GDPD1: variants seen among roughly 807,000 people sequenced by gnomAD.
GDPD1 encodes the protein lysophospholipase D GDPD1.
A neutral mutation model predicts 45.1 loss-of-function variants in GDPD1; 28 were observed. The observed-to-expected ratio is 0.62, with a 90% CI of 0.46 to 0.85. The LOEUF (loss-of-function observed/expected upper bound fraction) is 0.85, where lower values mean the gene tolerates loss of function less well. Among genes scored for constraint, GDPD1 ranks in the 40% least tolerant of loss-of-function variants. GDPD1 has a pLI of 0.00. For synonymous variants in GDPD1, 139 were observed against 131.4 expected (o/e 1.06, Z -0.40); for missense variants, 256 against 364.8 (o/e 0.70, Z 2.43).
intron 4 of GDPD1, among the ~76,000 whole-genome samples, chr17:59,249,618 A>C (rs2047238186): frequency 6.6e-6 from 1 of 152,188 alleles, no homozygotes; most frequent in East Asian, 1.9e-4. Context: ...CTCACAAAGA[A>C]ACATGTCCCT....
At chr17:59,220,945 C>G (rs956142573) in intron 1 of GDPD1, among the ~76,000 whole-genome samples, 194 bp downstream of exon 1, 2 of 151,934 alleles carry the variant, frequency 1.3e-5, no homozygotes, top group Non-Finnish European at 2.9e-5. Flanking sequence ...GAGGGATTCC[C>G]GGTCAGAGCC....
rs2046997123 is a variant in GDPD1 at position 59,220,728 on chromosome 17, G to A, written c.119G>A (p.Ser40Asn). The stretch of plus-strand genomic sequence containing the variant: ...CAGAGAAAGAAGCAGCGATTCCTCA[G>A]TAAACACATCTCTCACCGCGGAGGT... ...LHQRKKQRFL[S>N]KHISHRGGAG... The change falls in exon 1 of 10, where the codon AGT becomes AAT. Residue 40 changes from serine (S) to asparagine (N), a missense_variant. Physicochemically the swap from Ser to Asn is conservative, Grantham distance 46. Transcript: ENST00000284116. The A allele has an allele frequency of 1.2e-6, 2 of 1,613,736 alleles. No individual in the cohort carries two copies. The highest frequency in any genetic ancestry group is 2.7e-5 in the African/African-American group (2 of 74,926).
In GDPD1 at chr17:59,220,757, A is replaced by G. The variant is rs1568335070; in HGVS notation, c.142+6A>G. On this transcript the variant is annotated splice_donor_region_variant and intron_variant, in intron 1 of 9. Transcript: ENST00000284116. ...ACACATCTCTCACCGCGGAGGTGAG[A>G]GGGGTCCCCAGAACCCGATGACGGA... 1 of 1,611,328 alleles carries G rather than the reference A, an allele frequency of 6.2e-7. No homozygotes were observed. Among genetic ancestry groups the G allele is most frequent in the Non-Finnish European group, 8.5e-7 (1 of 1,179,306 alleles).
Position 59,273,631 on chromosome 17 carries a change from C to T in GDPD1, c.823-20C>T, listed in dbSNP as rs780483906. The T allele has an allele frequency of 1.3e-5, 18 of 1,360,354 alleles. No individual in the cohort carries two copies. The highest frequency in any genetic ancestry group is 3.7e-4 in the Middle Eastern group (2 of 5,386). The allele number at this position is 1,360,354 out of a possible 1,614,324, so 84.3% of individuals were successfully genotyped here. On this transcript the variant is annotated intron_variant, in intron 9 of 9. Transcript: ENST00000284116. ...TATTTTAACATTTCTTCTCATACTT[C>T]TCACACTTCTAATTTTCAGGTGTAT...
intron 6 of GDPD1, among the ~76,000 whole-genome samples, chr17:59,259,491 C>T (rs1200492008): frequency 6.4e-5 from 9 of 141,144 alleles, no homozygotes; most frequent in East Asian, 4.3e-4. Context: ...GGCGTGAACC[C>T]GGGAGGCAGA....
rs145416581 is a variant in GDPD1, at chr17:59,229,301, C to T, written c.143-5191C>T. The stretch of plus-strand genomic sequence containing the variant: ...CCGAGTAGCTGGGATTACAGATGCC[C>T]GTCACCATGCCTGGCTAAATTTTTT... On this transcript the variant is annotated intron_variant, in intron 1 of 9. Transcript: ENST00000284116. Among the ~76,000 whole-genome samples the T allele has an allele frequency of 8.3e-3, 1,214 of 147,130 alleles. 8 individuals are homozygous for T. Among genetic ancestry groups the T allele is most frequent in the African/African-American group, 0.029 (1,147 of 39,054 alleles).
chr17:59,242,493 A>G (rs572684131), intron 2 of GDPD1, among the ~76,000 whole-genome samples: 24 of 152,196 alleles, frequency 1.6e-4, no homozygotes, highest in Admixed American at 6.5e-4. Flanking sequence ...TCCCATTCCT[A>G]CTCATCTCAC....
At chr17:59,269,475 ACCC>A (rs201819855) in intron 7 of GDPD1, among the ~76,000 whole-genome samples, 1 of 119,942 alleles carries the variant, frequency 8.3e-6, no homozygotes, top group African/African-American at 2.9e-5. Context: ...CTTCTTGTCT[ACCC>A]CCCCCCCCAA....
At chr17:59,254,051 T>C (rs2047276487) in intron 4 of GDPD1, among the ~76,000 whole-genome samples, 1 of 129,570 alleles carries the variant, frequency 7.7e-6, no homozygotes, top group Non-Finnish European at 1.6e-5. Flanking sequence ...CAAGACTTCA[T>C]CTCTACTTAA....
chr17:59,264,189 C>T (rs9916395), intron 6 of GDPD1, among the ~76,000 whole-genome samples: 1 of 151,268 alleles, frequency 6.6e-6, no homozygotes, highest in Non-Finnish European at 1.5e-5. Flanking sequence ...TAGTAGAGAC[C>T]GGGTTTCTCC....
At position 59,223,843 on chromosome 17, in the gene GDPD1, G is replaced by A. The variant is rs951391601; in HGVS notation, c.142+3092G>A. 4.6e-5 allele frequency among the ~76,000 whole-genome samples: 7 copies of A among 152,170 alleles called. 1 individual carries two copies. The highest frequency in any genetic ancestry group is 3.9e-4 in the Admixed American group (6 of 15,276). ...GGAGAATCACTTGAACCTGGGAGGC[G>A]GAGGTTGCAGTGAGCCGAGATGGTG... On this transcript the variant is annotated intron_variant, in intron 1 of 9. Transcript: ENST00000284116.
chr17:59,259,490 C>T (rs1375670972), intron 6 of GDPD1, among the ~76,000 whole-genome samples: 5 of 149,348 alleles, frequency 3.3e-5, no homozygotes, highest in African/African-American at 1.2e-4. Context: ...TGGCGTGAAC[C>T]CGGGAGGCAG....
chr17:59,256,781 G>C (rs1400243179), intron 4 of GDPD1, among the ~76,000 whole-genome samples: 1 of 152,094 alleles, frequency 6.6e-6, no homozygotes, highest in Non-Finnish European at 1.5e-5. Flanking sequence ...AATTGATTGT[G>C]AATCTGTAGT....
intron 6 of GDPD1, among the ~76,000 whole-genome samples, chr17:59,261,178 C>T (rs1281997406): frequency 6.6e-6 from 1 of 152,122 alleles, no homozygotes; most frequent in South Asian, 2.1e-4. Context: ...GTTGGCCAGG[C>T]TGGTCTCGAA....
At chr17:59,228,640 T>C (rs1201975628) in intron 1 of GDPD1, among the ~76,000 whole-genome samples, 1 of 151,710 alleles carries the variant, frequency 6.6e-6, no homozygotes, top group East Asian at 1.9e-4. Context: ...ATCCCAGCAC[T>C]GTGAAGCTGA....
At chr17:59,237,258 C>T (rs1186851943) in intron 2 of GDPD1, among the ~76,000 whole-genome samples, 2 of 151,852 alleles carry the variant, frequency 1.3e-5, no homozygotes, top group East Asian at 1.9e-4. Flanking sequence ...AAAAATTAAC[C>T]GGGCGTGGTG....
chr17:59,263,483 C>CTTTTTT lies in GDPD1; in HGVS notation c.577-3551_577-3546dup, dbSNP rs537639356. ...CTTTTGCAATTCTTTTTTTCCTTTC[C>CTTTTTT]TTTTTTTTTTTTGAGACGGAGTTTC... On this transcript the variant is annotated intron_variant, in intron 6 of 9. Transcript: ENST00000284116. Among the ~76,000 whole-genome samples, 16 of 120,318 alleles carry CTTTTTT rather than the reference C, an allele frequency of 1.3e-4. 8 individuals are homozygous for CTTTTTT. Among genetic ancestry groups the CTTTTTT allele is most frequent in the Admixed American group, 4.4e-4 (4 of 9,126 alleles). The allele number at this position is 120,318 out of a possible 152,430, so 78.9% of individuals were successfully genotyped here. A position where few individuals can be genotyped will look rare whatever the true frequency, so the allele number is the denominator to read the frequency against.
At chr17:59,255,674 C>T (rs1261188949) in intron 4 of GDPD1, among the ~76,000 whole-genome samples, 2 of 132,318 alleles carry the variant, frequency 1.5e-5, no homozygotes, top group African/African-American at 5.8e-5. Context: ...ACCTGGGAGG[C>T]GGAGGTTGCT....
At position 59,242,502 on chromosome 17, in the gene GDPD1, A is replaced by G. The variant is rs1374507626; in HGVS notation, c.186-2912A>G. ...TCCTACTCCCATTCCTACTCATCTCACTTATAAGAGGTAACTCCTGTTATG... is the reference window on the plus strand; with the variant it reads ...TCCTACTCCCATTCCTACTCATCTCGCTTATAAGAGGTAACTCCTGTTATG... On this transcript the variant is annotated intron_variant, in intron 2 of 9. Coordinates refer to ENST00000284116, the MANE Select transcript of GDPD1 (RefSeq NM_182569.4). Among the ~76,000 whole-genome samples the G allele has an allele frequency of 2.6e-5, 4 of 152,270 alleles. No homozygotes were observed. In the South Asian group the frequency reaches 8.3e-4, roughly 32 times the overall value.
Sources: gnomAD v4.1 joint callset for allele counts (sites outside exome capture counted in the v4.1 genomes callset) on GRCh38, gnomAD v4.1.1 for gene constraint, MANE v1.5 for transcripts, NCBI Gene and HGNC (gene_info 2026-07-23, HGNC 2026-07-21) for gene names.